Variants in PER3 observed in about 807,000 individuals in gnomAD.
PER3 encodes the protein period circadian regulator 3.
A neutral mutation model predicts 127.2 loss-of-function variants in PER3; 107 were observed. That is an observed-to-expected ratio of 0.84 (90% CI 0.72 to 0.99). PER3 has a LOEUF of 0.99. Among genes scored for constraint, PER3 ranks in the 50% least tolerant of loss-of-function variants. The pLI is 0.00. For synonymous variants in PER3, 618 were observed against 585.8 expected, an observed-to-expected ratio of 1.05 and a Z score of -0.79; for missense variants, 1,560 against 1,525.8, an observed-to-expected ratio of 1.02 and a Z score of -0.37.
At chr1:7,828,538 A>G (rs2097313798) in intron 18 of PER3, among the ~76,000 whole-genome samples, 1 of 152,182 alleles carries the variant, frequency 6.6e-6, no homozygotes, top group Admixed American at 6.5e-5. Context: ...CCCTTCTTTA[A>G]CAGATATTCA....
chr1:7,789,013 C>T (rs1192722878), intron 5 of PER3, among the ~76,000 whole-genome samples: 1 of 151,534 alleles, frequency 6.6e-6, no homozygotes, highest in African/African-American at 2.4e-5. Context: ...GCTTTTCTTT[C>T]ATAATTCAAA....
chr1:7,810,530 G>C lies in PER3; in HGVS notation c.1464G>C (p.Lys488Asn), dbSNP rs752349509. ...YIESMTKSSF[K>N]PVTGTRTEPN... ...AGTCAATGACCAAATCATCATTCAA[G>C]CCAGTGACGGGGACACGCACAGAAC... Residue 488 changes from lysine to asparagine, a missense_variant, in exon 13 of 22, where the codon AAG becomes AAC. Around this residue, in one of 3 missense-constraint regions of PER3, gnomAD observed 1,332 missense variants for 1,223.6 expected, o/e 1.09. Coordinates refer to ENST00000377532, the MANE Select transcript of PER3 (RefSeq NM_001377275.1). 2.0e-5 allele frequency: 33 copies of C among 1,613,826 alleles called. 1 individual carries two copies. In the South Asian group the frequency reaches 3.6e-4, roughly 18 times the overall value.
chr1:7,818,680 A>G (rs2097262475), intron 13 of PER3, among the ~76,000 whole-genome samples: 1 of 152,252 alleles, frequency 6.6e-6, no homozygotes, highest in Non-Finnish European at 1.5e-5. Flanking sequence ...CACATGTGGC[A>G]ATTTAAATTC....
intron 10 of PER3, among the ~76,000 whole-genome samples, chr1:7,805,955 G>T (rs1251573182): frequency 6.6e-6 from 1 of 152,082 alleles, no homozygotes; most frequent in African/African-American, 2.4e-5. Context: ...AGGATTTAAG[G>T]TCTAGTAGGT....
rs115768191 is a variant in PER3 at position 7,794,105 on chromosome 1, T to A, written c.644+97T>A. 2,970 of 971,754 alleles carry A rather than the reference T, an allele frequency of 3.1e-3. 52 individuals carry two copies. The African/African-American group carries it at 0.041, about 13-fold the overall frequency. The allele number at this position is 971,754 out of a possible 1,614,324, so 60.2% of individuals were successfully genotyped here. On this transcript the variant is annotated intron_variant, in intron 6 of 21. Coordinates refer to ENST00000377532, the MANE Select transcript of PER3 (RefSeq NM_001377275.1). ...TCTTGTGTATTCAGCTCACTTCTGT[T>A]GCGAGATACAAAAAATAAGACTTGG...
At chr1:7,830,353 CAA>C (rs924305028) in intron 19 of PER3, among the ~76,000 whole-genome samples, 192 bp downstream of exon 19, 2 of 152,058 alleles carry the variant, frequency 1.3e-5, no homozygotes, top group Non-Finnish European at 2.9e-5. Context: ...GGGGTACAAA[CAA>C]GAATTCTGAC....
At chr1:7,785,615 TA>T in intron 3 of PER3, 29 bp downstream of exon 3, 1 of 1,600,740 alleles carries the variant, frequency 6.2e-7, no homozygotes, top group Non-Finnish European at 8.5e-7. Flanking sequence ...AATTTCATCC[TA>T]CGAATGCACC....
rs1361811128 is a variant in PER3 at position 7,844,566 on chromosome 1, T to C, written c.*1811T>C. 1 of 152,842 alleles carries C rather than the reference T, an allele frequency of 6.5e-6. No individual in the cohort carries two copies. The highest frequency in any genetic ancestry group is 1.5e-5 in the Non-Finnish European group (1 of 68,056). The allele number at this position is 152,842 out of a possible 1,614,324, so 9.5% of individuals were successfully genotyped here. On this transcript the variant is annotated 3_prime_UTR_variant, in exon 22 of 22. Transcript: ENST00000377532. Reference sequence around the variant, plus strand: ...ATATGCTAAGCCTTCTGTTCTCTAATAGAAGCCTTTCTTTTCCATTGTTTC... The same window carrying C: ...ATATGCTAAGCCTTCTGTTCTCTAACAGAAGCCTTTCTTTTCCATTGTTTC...
Position 7,784,967 on chromosome 1 carries a change from G to C in PER3, c.90G>C (p.Glu30Asp). 6.4e-7 allele frequency: 1 copy of C among 1,558,134 alleles called. No homozygotes were observed. The highest frequency in any genetic ancestry group is 8.6e-7 in the Non-Finnish European group (1 of 1,160,772). Residue 30 changes from glutamate to aspartate, a missense_variant, in exon 2 of 22, where the codon GAG becomes GAC. Glu to Asp is a conservative substitution (Grantham distance 45, BLOSUM62 2). Transcript: ENST00000377532. ...GEESGERWSP[E>D]FHLQRKLADS... ...AATCGGGGGAGCGGTGGAGCCCCGAGTTCCATCTGCAGAGGAAATTGGCGG... is the reference window on the plus strand; with the variant it reads ...AATCGGGGGAGCGGTGGAGCCCCGACTTCCATCTGCAGAGGAAATTGGCGG...
chr1:7,802,240 T>C (rs1175079601), intron 8 of PER3, among the ~76,000 whole-genome samples: 17 of 152,136 alleles, frequency 1.1e-4, no homozygotes, highest in Admixed American at 1.0e-3. Context: ...CTATCTGATA[T>C]TACCTTTTGG....
At position 7,803,797 on chromosome 1, in the gene PER3, A is replaced by G. The variant is rs761506646; in HGVS notation, c.1085A>G (p.Asn362Ser). The G allele has an allele frequency of 6.2e-7, 1 of 1,613,958 alleles. No individual in the cohort carries two copies. The highest frequency in any genetic ancestry group is 1.7e-5 in the Admixed American group (1 of 60,018). Reference sequence around the variant, plus strand: ...GATTCCAGTTGGTCCAGCTTTGTGAATCCCTGGAGCCGGAAGATTTCTTTC... The same window carrying G: ...GATTCCAGTTGGTCCAGCTTTGTGAGTCCCTGGAGCCGGAAGATTTCTTTC... ...ILDSSWSSFVNPWSRKISFII... is the reference protein window; with the variant it reads ...ILDSSWSSFVSPWSRKISFII... The change falls in exon 10 of 22, where the codon AAT (asparagine) becomes AGT (serine). Residue 362 changes from asparagine to serine, a missense_variant. Physicochemically the swap from Asn to Ser is conservative, Grantham distance 46. Coordinates refer to ENST00000377532, the MANE Select transcript of PER3 (RefSeq NM_001377275.1).
rs1474994388 is a variant in PER3 at position 7,827,359 on chromosome 1, T to TC, written c.2434dup (p.Leu812ProfsTer51). 6 of 1,613,884 alleles carry TC rather than the reference T, an allele frequency of 3.7e-6. No individual in the cohort carries two copies. The highest frequency in any genetic ancestry group is 3.3e-5 in the Admixed American group (2 of 60,000). On this transcript the variant is annotated frameshift_variant, in exon 18 of 22. Coordinates refer to ENST00000377532, the MANE Select transcript of PER3 (RefSeq NM_001377275.1). LOFTEE classifies it high-confidence loss of function. ...AGGCCCCTTACCTCGTCCCAGCTTT[T>TC]CCCCTCCCAGCCGCGACCTCACCCG...
chr1:7,844,915 T>C lies in PER3; in HGVS notation c.*2160T>C, dbSNP rs2097404284. ...AATTTATATTATAGGCTTCAATGTT[T>C]TCATGAATGTTACCCAAAAAGCTGT... On this transcript the variant is annotated 3_prime_UTR_variant, in exon 22 of 22. Coordinates refer to ENST00000377532, the MANE Select transcript of PER3 (RefSeq NM_001377275.1). The C allele has an allele frequency of 2.6e-5, 4 of 152,394 alleles. No individual in the cohort carries two copies. The highest frequency in any genetic ancestry group is 5.9e-5 in the Non-Finnish European group (4 of 68,046). 9.4% of individuals were successfully genotyped at this position (152,394 alleles called of 1,614,324 possible).
At chr1:7,809,665 G>T (rs1189605756) in intron 11 of PER3, among the ~76,000 whole-genome samples, 1 of 152,112 alleles carries the variant, frequency 6.6e-6, no homozygotes. Context: ...ATGTTGTCCT[G>T]GAAATACCTA....
chr1:7,825,747 C>T (rs1186734998), intron 16 of PER3, among the ~76,000 whole-genome samples: 1 of 152,104 alleles, frequency 6.6e-6, no homozygotes, highest in African/African-American at 2.4e-5. Context: ...CAAAATTAGC[C>T]CAGTGTGGTG....
chr1:7,789,845 A>AC (rs771647624), intron 5 of PER3, among the ~76,000 whole-genome samples: 135 of 152,184 alleles, frequency 8.9e-4, no homozygotes, highest in Non-Finnish European at 1.7e-3. Flanking sequence ...CATGCATGTC[A>AC]TCCCTGCTTG....
intron 13 of PER3, 33 bp downstream of exon 13, chr1:7,810,621 CCATGGGCTGTCACTCT>C: frequency 6.3e-7 from 1 of 1,587,770 alleles, no homozygotes; most frequent in Non-Finnish European, 8.6e-7. Flanking sequence ...GGATCTCCTT[CCATGGGCTGTCACTCT>C]CTGCATAGAC....
chr1:7,816,571 A>G (rs2097252459), intron 13 of PER3, among the ~76,000 whole-genome samples: 1 of 152,260 alleles, frequency 6.6e-6, no homozygotes, highest in Non-Finnish European at 1.5e-5. Flanking sequence ...TAAATAGCAT[A>G]TGAAAAGATG....
intron 2 of PER3, among the ~76,000 whole-genome samples, 162 bp downstream of exon 2, chr1:7,785,167 A>G (rs1431264221): frequency 6.6e-6 from 1 of 152,230 alleles, no homozygotes; most frequent in Non-Finnish European, 1.5e-5. Context: ...GTGACACTGA[A>G]GAAAATTACC....
Sources: allele counts gnomAD v4.1 joint callset (sites outside exome capture counted in the v4.1 genomes callset), GRCh38; gene constraint gnomAD v4.1.1; regional missense constraint gnomAD v4.1.1; transcripts MANE v1.5; gene names NCBI Gene and HGNC (gene_info 2026-07-23, HGNC 2026-07-21).